HS2ST1: variants seen among roughly 807,000 people sequenced by gnomAD.
HS2ST1 encodes heparan sulfate 2-O-sulfotransferase 1.
A neutral mutation model predicts 42.9 loss-of-function variants in HS2ST1; 18 were observed. The observed-to-expected ratio is 0.42, with a 90% CI of 0.29 to 0.62. HS2ST1 has a LOEUF of 0.62. HS2ST1 is among the 20% of genes least tolerant of loss of function. HS2ST1 has a pLI of 0.21. For synonymous variants in HS2ST1, 146 were observed against 152.9 expected (o/e 0.95, Z 0.33); for missense variants, 334 against 433.8 (o/e 0.77, Z 2.04).
intron 1 of HS2ST1, among the ~76,000 whole-genome samples, chr1:86,964,469 C>T (rs1424825446): frequency 1.3e-5 from 2 of 152,228 alleles, no homozygotes; most frequent in African/African-American, 4.8e-5. Context: ...AACCCCGTCT[C>T]CACCAAAAAA....
At chr1:86,963,227 T>C (rs1374224462) in intron 1 of HS2ST1, among the ~76,000 whole-genome samples, 2 of 151,916 alleles carry the variant, frequency 1.3e-5, no homozygotes, top group African/African-American at 4.8e-5. Flanking sequence ...GGCAGGGTCA[T>C]AGGACAATAG....
intron 2 of HS2ST1, among the ~76,000 whole-genome samples, chr1:87,083,412 G>T (rs1193172697): frequency 1.3e-5 from 2 of 152,102 alleles, no homozygotes; most frequent in Non-Finnish European, 2.9e-5. Flanking sequence ...TTAACCACTT[G>T]CTATTTATCA....
chr1:86,915,157 C>T lies in HS2ST1; in HGVS notation c.121C>T (p.Leu41=). The T allele has an allele frequency of 1.9e-6, 3 of 1,613,150 alleles. No homozygotes were observed. Among genetic ancestry groups the T allele is most frequent in the Non-Finnish European group, 2.5e-6 (3 of 1,179,406 alleles). ...GAAACTGGAGGAGTCCCGCTCGAAGCTAGGTGAGGAACTGAACTGCCCCGG... is the reference window on the plus strand; with the variant it reads ...GAAACTGGAGGAGTCCCGCTCGAAGTTAGGTGAGGAACTGAACTGCCCCGG... ...IQKLEESRSK[L]ERAIARHEVR... Residue 41 remains leucine (L), a synonymous_variant, in exon 1 of 7, where the codon CTA becomes TTA. Coordinates refer to ENST00000370550, the MANE Select transcript of HS2ST1 (RefSeq NM_012262.4).
intron 1 of HS2ST1, among the ~76,000 whole-genome samples, chr1:87,055,355 G>C (rs531163636): frequency 6.6e-6 from 1 of 152,092 alleles, no homozygotes; most frequent in Non-Finnish European, 1.5e-5. Context: ...GAAGCCTAGA[G>C]ACAGTACCTT....
intron 1 of HS2ST1, among the ~76,000 whole-genome samples, chr1:87,011,279 A>G (rs886855877): frequency 6.0e-5 from 9 of 151,190 alleles, no homozygotes; most frequent in African/African-American, 1.9e-4. Flanking sequence ...ATTATTTTTT[A>G]AATTTTGCCC....
intron 1 of HS2ST1, among the ~76,000 whole-genome samples, chr1:87,026,014 T>C (rs944747324): frequency 6.6e-6 from 1 of 152,228 alleles, no homozygotes; most frequent in African/African-American, 2.4e-5. Flanking sequence ...TATATTCTTA[T>C]TCTTCTTTGC....
chr1:87,083,011 C>G (rs181030532), intron 2 of HS2ST1, among the ~76,000 whole-genome samples: 56 of 152,266 alleles, frequency 3.7e-4, no homozygotes, highest in African/African-American at 1.3e-3. Context: ...TTCATAATTT[C>G]TCTTAGTATG....
intron 1 of HS2ST1, chr1:87,045,802 A>G (rs901360717): frequency 2.8e-5 from 23 of 827,118 alleles, no homozygotes; most frequent in Non-Finnish European, 3.8e-5. Context: ...TCCATTGCAT[A>G]TGGGTCATCC....
intron 1 of HS2ST1, among the ~76,000 whole-genome samples, chr1:87,040,598 A>T (rs2100604060): frequency 6.6e-6 from 1 of 152,286 alleles, no homozygotes. Context: ...GAAGGAAGTG[A>T]GAAGAATAAT....
At chr1:87,019,022 A>G (rs1162291210) in intron 1 of HS2ST1, among the ~76,000 whole-genome samples, 1 of 152,180 alleles carries the variant, frequency 6.6e-6, no homozygotes, top group Non-Finnish European at 1.5e-5. Flanking sequence ...TCTGGAATAT[A>G]TTTCACTATA....
intron 1 of HS2ST1, among the ~76,000 whole-genome samples, chr1:87,001,373 G>C (rs1189117848): frequency 6.6e-6 from 1 of 152,084 alleles, no homozygotes; most frequent in Non-Finnish European, 1.5e-5. Flanking sequence ...TGTTGTAGTG[G>C]TTGTTTTCCA....
intron 1 of HS2ST1, among the ~76,000 whole-genome samples, chr1:86,939,281 G>C (rs1030951139): frequency 2.6e-5 from 4 of 152,106 alleles, no homozygotes; most frequent in Non-Finnish European, 5.9e-5. Context: ...ACAATAATCA[G>C]TTGTAAAAAG....
intron 1 of HS2ST1, among the ~76,000 whole-genome samples, chr1:86,941,761 C>T (rs1429775454): frequency 6.6e-6 from 1 of 152,030 alleles, no homozygotes; most frequent in African/African-American, 2.4e-5. Flanking sequence ...GGCAACAGAG[C>T]AAGAATCCAT....
intron 1 of HS2ST1, among the ~76,000 whole-genome samples, chr1:87,002,299 A>T (rs754405571): frequency 1.3e-5 from 2 of 152,178 alleles, no homozygotes; most frequent in African/African-American, 4.8e-5. Context: ...TAGACTGTTA[A>T]ATGTTAAACC....
intron 3 of HS2ST1, among the ~76,000 whole-genome samples, chr1:87,085,065 A>G (rs1460743786): frequency 6.6e-6 from 1 of 152,232 alleles, no homozygotes; most frequent in Non-Finnish European, 1.5e-5. Flanking sequence ...AAAATTAATT[A>G]AACTTAATAT....
chr1:86,980,815 T>A (rs910161268), intron 1 of HS2ST1, among the ~76,000 whole-genome samples: 1 of 152,166 alleles, frequency 6.6e-6, no homozygotes, highest in Non-Finnish European at 1.5e-5. Context: ...TAAAAACTGC[T>A]CAGTATTTAT....
chr1:87,084,781 C>G (rs1038186250), intron 3 of HS2ST1, among the ~76,000 whole-genome samples: 13 of 151,522 alleles, frequency 8.6e-5, no homozygotes, highest in East Asian at 1.9e-4. Context: ...TCTCACCCCC[C>G]CTCTCCTTCT....
chr1:87,012,972 T>C (rs1440451318), intron 1 of HS2ST1, among the ~76,000 whole-genome samples: 1 of 152,220 alleles, frequency 6.6e-6, no homozygotes, highest in Admixed American at 6.5e-5. Flanking sequence ...TTCCCCATGG[T>C]CTTGGACAGC....
intron 1 of HS2ST1, among the ~76,000 whole-genome samples, chr1:87,012,600 C>T (rs138786305): frequency 2.0e-5 from 3 of 152,108 alleles, no homozygotes; most frequent in East Asian, 3.9e-4. Flanking sequence ...ATCATTCTGC[C>T]CCTGGCCCCT....
Sources: allele counts gnomAD v4.1 joint callset (sites outside exome capture counted in the v4.1 genomes callset), GRCh38; gene constraint gnomAD v4.1.1; transcripts MANE v1.5; gene names NCBI Gene and HGNC (gene_info 2026-07-23, HGNC 2026-07-21).